The following APBA2 variants were observed in gnomAD, a reference collection of about 807,000 sequenced individuals.
APBA2 encodes the protein amyloid beta precursor protein binding family A member 2.
A neutral mutation model predicts 75.0 loss-of-function variants in APBA2; 30 were observed. The observed-to-expected ratio is 0.40, with a 90% CI of 0.30 to 0.54. The LOEUF is 0.54. APBA2 is among the 20% of genes least tolerant of loss of function. The probability of loss-of-function intolerance (pLI) is 0.49; values close to 1 mark genes in which losing one functional copy is unlikely to be tolerated. For synonymous variants in APBA2, 444 were observed against 409.6 expected, an observed-to-expected ratio of 1.08 and a Z score of -1.01; for missense variants, 801 against 1,016.1, an observed-to-expected ratio of 0.79 and a Z score of 2.88.
intron 6 of APBA2, among the ~76,000 whole-genome samples, chr15:29,080,854 A>G (rs914000551): frequency 8.5e-5 from 13 of 152,180 alleles, no homozygotes; most frequent in Admixed American, 8.5e-4. Flanking sequence ...AAGACTGGTA[A>G]ATCTTACTCT....
At chr15:28,986,656 G>A (rs930310509) in intron 2 of APBA2, among the ~76,000 whole-genome samples, 29 of 152,062 alleles carry the variant, frequency 1.9e-4, no homozygotes, top group East Asian at 7.8e-4. Context: ...TAGTAGAGAC[G>A]GGGTTTCACC....
At chr15:29,071,680 C>T (rs1008088558) in intron 4 of APBA2, among the ~76,000 whole-genome samples, 1 of 149,384 alleles carries the variant, frequency 6.7e-6, no homozygotes, top group African/African-American at 2.5e-5. Context: ...CCCCGCCACC[C>T]CTGAGATGGA....
intron 2 of APBA2, among the ~76,000 whole-genome samples, chr15:28,944,238 C>G (rs915776225): frequency 6.6e-6 from 1 of 152,140 alleles, no homozygotes; most frequent in Non-Finnish European, 1.5e-5. Flanking sequence ...AGAGCTCTTT[C>G]GCGGTTTGGG....
intron 3 of APBA2, among the ~76,000 whole-genome samples, chr15:29,043,691 C>G (rs895330786): frequency 2.0e-5 from 3 of 152,196 alleles, no homozygotes; most frequent in Non-Finnish European, 4.4e-5. Context: ...AGTGCTAACA[C>G]TGATTTATCT....
intron 2 of APBA2, among the ~76,000 whole-genome samples, chr15:28,948,108 C>G (rs1176180189): frequency 1.3e-5 from 2 of 152,136 alleles, no homozygotes; most frequent in African/African-American, 4.8e-5. Flanking sequence ...ATAGAGTCTA[C>G]TGTTTTCAGG....
intron 14 of APBA2, among the ~76,000 whole-genome samples, chr15:29,115,155 G>T (rs1199126952): frequency 6.6e-6 from 1 of 151,596 alleles, no homozygotes; most frequent in Non-Finnish European, 1.5e-5. Context: ...AGGGAATTTG[G>T]GTCTGGGGAC....
intron 1 of APBA2, among the ~76,000 whole-genome samples, chr15:28,896,788 G>A (rs1289764853): frequency 6.6e-6 from 1 of 152,160 alleles, no homozygotes; most frequent in African/African-American, 2.4e-5. Flanking sequence ...TCCAAATAGA[G>A]TTTACTTCCC....
intron 1 of APBA2, among the ~76,000 whole-genome samples, chr15:28,893,668 T>C (rs148817547): frequency 0.44 from 67,035 of 151,388 alleles, 15,175 homozygotes; most frequent in East Asian, 0.54. Context: ...GTTCAGGTAC[T>C]TGGAGAGGAG....
chr15:28,990,438 G>A, intron 2 of APBA2: 1 of 151,432 alleles, frequency 6.6e-6, no homozygotes, highest in East Asian at 1.9e-4. Flanking sequence ...CCCACTGCAA[G>A]GAGCTCCTGG....
chr15:29,092,074 G>T (rs1348200095), intron 6 of APBA2, among the ~76,000 whole-genome samples: 1 of 152,196 alleles, frequency 6.6e-6, no homozygotes, highest in South Asian at 2.1e-4. Context: ...AGCCCCAATC[G>T]CAAATCCTCC....
At chr15:29,094,608 T>A (rs1049496113) in intron 8 of APBA2, among the ~76,000 whole-genome samples, 1 of 152,278 alleles carries the variant, frequency 6.6e-6, no homozygotes. Context: ...TAAATTGATA[T>A]GACATTTAGT....
intron 3 of APBA2, among the ~76,000 whole-genome samples, chr15:29,032,233 C>T (rs889848576): frequency 2.0e-5 from 3 of 152,246 alleles, no homozygotes; most frequent in African/African-American, 7.2e-5. Context: ...AGTTGATTTG[C>T]TCAAACACCA....
chr15:28,940,937 G>A (rs1259118970), intron 2 of APBA2, among the ~76,000 whole-genome samples: 2 of 152,228 alleles, frequency 1.3e-5, no homozygotes, highest in Non-Finnish European at 2.9e-5. Flanking sequence ...GGACTCGTGA[G>A]CTCACCTGAT....
At chr15:29,066,509 C>A (rs116830824) in intron 4 of APBA2, among the ~76,000 whole-genome samples, 1 of 152,022 alleles carries the variant, frequency 6.6e-6, no homozygotes, top group Admixed American at 6.6e-5. Context: ...TAGTCAGAGT[C>A]ATAGAAACAG....
chr15:29,019,537 G>A (rs146540700), intron 3 of APBA2, among the ~76,000 whole-genome samples: 25 of 152,280 alleles, frequency 1.6e-4, no homozygotes, highest in African/African-American at 6.0e-4. Flanking sequence ...AAGCATTTAT[G>A]CATGTGTAGA....
At chr15:29,002,497 T>C (rs1029191559) in intron 3 of APBA2, among the ~76,000 whole-genome samples, 14 of 151,652 alleles carry the variant, frequency 9.2e-5, no homozygotes, top group African/African-American at 3.4e-4. Context: ...TGGTGGCTGT[T>C]ACCATCTCAT....
At chr15:28,893,643 C>G (rs1164668102) in intron 1 of APBA2, among the ~76,000 whole-genome samples, 2 of 152,246 alleles carry the variant, frequency 1.3e-5, no homozygotes, top group East Asian at 1.9e-4. Flanking sequence ...CTTTCTCTAC[C>G]CTTTGAGTCC....
chr15:29,062,344 G>C lies in APBA2; in HGVS notation c.951+7509G>C, dbSNP rs147826278. Among the ~76,000 whole-genome samples, 789 of 152,298 alleles carry C rather than the reference G, an allele frequency of 5.2e-3. 9 individuals carry two copies. The highest frequency in any genetic ancestry group is 6.2e-3 in the Non-Finnish European group (419 of 68,020). ...CCCTTCCCGTGCAGCTCTGCTCCCA[G>C]CACTGTGACAGGGTGGACACCGCAC... On this transcript the variant is annotated intron_variant, in intron 4 of 14. Transcript: ENST00000683413.
chr15:29,061,733 G>T (rs8041778), intron 4 of APBA2, among the ~76,000 whole-genome samples: 17 of 152,224 alleles, frequency 1.1e-4, no homozygotes, highest in African/African-American at 4.1e-4. Context: ...GGGAGAGAAG[G>T]TGCTAAAAGC....
Sources: allele counts gnomAD v4.1 joint callset (sites outside exome capture counted in the v4.1 genomes callset), GRCh38; gene constraint gnomAD v4.1.1; transcripts MANE v1.5; gene names NCBI Gene and HGNC (gene_info 2026-07-23, HGNC 2026-07-21).